SIPA1L1: variants seen among roughly 807,000 people sequenced by gnomAD.
The protein encoded by SIPA1L1 is signal-induced proliferation-associated 1-like protein 1.
Under a neutral mutation model 162.7 loss-of-function variants are expected in SIPA1L1, and 26 were observed. That is an observed-to-expected ratio of 0.16 (90% CI 0.12 to 0.22). The LOEUF (loss-of-function observed/expected upper bound fraction) is 0.22. Ranked by LOEUF, SIPA1L1 falls within the 10% of genes least tolerant of loss-of-function variation. The pLI, the probability that SIPA1L1 is intolerant of heterozygous loss-of-function variation, is 1.00. For missense variants in SIPA1L1, 1,874 were observed against 2,241.0 expected (o/e 0.84, Z 3.31); for synonymous variants, 829 against 837.4 (o/e 0.99, Z 0.17).
At chr14:71,673,144 C>T (rs1018090984) in intron 12 of SIPA1L1, among the ~76,000 whole-genome samples, 11 of 152,196 alleles carry the variant, frequency 7.2e-5, no homozygotes, top group Admixed American at 4.6e-4. Flanking sequence ...GCTGCCCCTG[C>T]TCATGGTGCT....
At chr14:71,488,470 T>A (rs191457798) in intron 2 of SIPA1L1, among the ~76,000 whole-genome samples, 217 of 152,322 alleles carry the variant, frequency 1.4e-3, no homozygotes, top group African/African-American at 5.0e-3. Context: ...GCCAACCTTA[T>A]ACCACTGTTG....
chr14:71,598,908 T>C (rs2036373389), intron 5 of SIPA1L1, among the ~76,000 whole-genome samples: 1 of 151,840 alleles, frequency 6.6e-6, no homozygotes, highest in Non-Finnish European at 1.5e-5. Flanking sequence ...ACTTTTATTG[T>C]CTAACTGTTT....
chr14:71,632,152 C>T (rs1298410680), intron 7 of SIPA1L1, among the ~76,000 whole-genome samples: 1 of 152,190 alleles, frequency 6.6e-6, no homozygotes, highest in Non-Finnish European at 1.5e-5. Flanking sequence ...GTACAGCCAA[C>T]AACCTTGGAC....
intron 13 of SIPA1L1, among the ~76,000 whole-genome samples, chr14:71,693,226 G>C (rs2081372342): frequency 1.3e-5 from 2 of 152,148 alleles, no homozygotes; most frequent in Non-Finnish European, 2.9e-5. Flanking sequence ...GGATTTTGGG[G>C]CCAACTGCTG....
At chr14:71,640,036 TG>T (rs769721967) in intron 7 of SIPA1L1, among the ~76,000 whole-genome samples, 3 of 152,128 alleles carry the variant, frequency 2.0e-5, no homozygotes, top group Non-Finnish European at 4.4e-5. Flanking sequence ...CCCGAGTAGC[TG>T]GAATTACAGG....
At chr14:71,382,526 G>A (rs1450049605) in intron 2 of SIPA1L1, among the ~76,000 whole-genome samples, 1 of 152,230 alleles carries the variant, frequency 6.6e-6, no homozygotes, top group Non-Finnish European at 1.5e-5. Flanking sequence ...GCCAGTAGCA[G>A]TCCGAAGGTG....
intron 20 of SIPA1L1, 67 bp from the exon 21 acceptor site, chr14:71,733,599 A>G (rs111315172): frequency 7.4e-6 from 11 of 1,491,668 alleles, no homozygotes; most frequent in African/African-American, 6.9e-5. Flanking sequence ...GTAACAGGAA[A>G]GAGGTAAGTT....
Position 71,671,498 on chromosome 14 carries a change from G to C in SIPA1L1, c.2635G>C (p.Gly879Arg). The C allele has an allele frequency of 6.2e-7, 1 of 1,614,156 alleles. No individual in the cohort carries two copies. Among genetic ancestry groups the C allele is most frequent in the Non-Finnish European group, 8.5e-7 (1 of 1,180,024 alleles). Residue 879 changes from glycine (G) to arginine (R), a missense_variant, in exon 11 of 24, where the codon GGG becomes CGG. Physicochemically the swap from Gly to Arg is moderately radical, Grantham distance 125. Transcript: ENST00000381232. Reference sequence around the variant, plus strand: ...GGCCATGGAACTAGACTGCCTTTTAGGGATCTCCAATGAGTTCATTGTGCT... The same window carrying C: ...GGCCATGGAACTAGACTGCCTTTTACGGATCTCCAATGAGTTCATTGTGCT... ...NKAMELDCLL[G>R]ISNEFIVLIE...
intron 7 of SIPA1L1, among the ~76,000 whole-genome samples, chr14:71,641,285 A>G (rs2041687497): frequency 6.6e-6 from 1 of 150,850 alleles, no homozygotes; most frequent in Admixed American, 6.6e-5. Context: ...TAATCTAAAA[A>G]AAAAAAAAAA....
At chr14:71,636,945 AGAGGCT>A (rs1488720020) in intron 7 of SIPA1L1, among the ~76,000 whole-genome samples, 1 of 151,490 alleles carries the variant, frequency 6.6e-6, no homozygotes. Flanking sequence ...CAGCTACTCA[AGAGGCT>A]GAGGCAGGAG....
intron 2 of SIPA1L1, among the ~76,000 whole-genome samples, chr14:71,506,530 G>A (rs1158422468): frequency 1.3e-5 from 2 of 151,928 alleles, no homozygotes; most frequent in Non-Finnish European, 2.9e-5. Flanking sequence ...TAGTAGAGAC[G>A]GGGTTTTACC....
intron 2 of SIPA1L1, among the ~76,000 whole-genome samples, chr14:71,445,852 T>C: frequency 6.6e-6 from 1 of 152,184 alleles, no homozygotes; most frequent in East Asian, 1.9e-4. Flanking sequence ...ATTATTTATT[T>C]ATTTTATTTT....
chr14:71,362,442 T>C (rs2140888530), intron 2 of SIPA1L1, among the ~76,000 whole-genome samples: 1 of 152,320 alleles, frequency 6.6e-6, no homozygotes, highest in East Asian at 1.9e-4. Flanking sequence ...GGGTTTGAGC[T>C]GAAGTTGTGT....
chr14:71,661,238 A>G (rs941412836), intron 9 of SIPA1L1, 72 bp from the exon 10 acceptor site: 2 of 1,495,336 alleles, frequency 1.3e-6, no homozygotes, highest in Non-Finnish European at 1.8e-6. Flanking sequence ...AAATACAGCT[A>G]TATAAGGGAA....
chr14:71,675,048 T>C (rs1036960164), intron 12 of SIPA1L1, among the ~76,000 whole-genome samples: 1 of 152,164 alleles, frequency 6.6e-6, no homozygotes, highest in African/African-American at 2.4e-5. Flanking sequence ...TCTGCTGGGG[T>C]GAAGAAAACT....
intron 2 of SIPA1L1, among the ~76,000 whole-genome samples, chr14:71,446,282 A>G (rs1353182390): frequency 1.3e-5 from 2 of 152,150 alleles, no homozygotes; most frequent in Middle Eastern, 6.3e-3. Context: ...TTTTTTTCTT[A>G]TATTTCTTTT....
intron 2 of SIPA1L1, among the ~76,000 whole-genome samples, chr14:71,356,565 T>TAAAAAAAAAAAAAAAAA (rs1394904078): frequency 3.4e-4 from 1 of 2,918 alleles, no homozygotes; most frequent in African/African-American, 3.6e-3. Context: ...ACCTTGTCTC[T>TAAAAAAAAAAAAAAAAA]ACAAAAAAAA....
intron 12 of SIPA1L1, among the ~76,000 whole-genome samples, chr14:71,677,771 A>G (rs1245522288): frequency 6.6e-6 from 1 of 152,194 alleles, no homozygotes. Context: ...TTTGTCAAAG[A>G]TCAGATGGTT....
chr14:71,730,261 G>C lies in SIPA1L1; in HGVS notation c.4821G>C (p.Leu1607Phe), dbSNP rs2084645286. Residue 1607 changes from leucine (L) to phenylalanine (F), a missense_variant, in exon 20 of 24, where the codon TTG (leucine) becomes TTC (phenylalanine). Physicochemically the swap from Leu to Phe is conservative, Grantham distance 22 (BLOSUM62 0). Around this residue, in one of 5 missense-constraint regions of SIPA1L1, gnomAD observed 936 missense variants for 1,051.9 expected, o/e 0.89. Transcript: ENST00000381232. ...TYPSLPKSLPLRRPSYTLGMK... is the reference protein window; with the variant it reads ...TYPSLPKSLPFRRPSYTLGMK... ...CTTCTCTCCCCAAGTCGCTCCCGTT[G>C]AGGAGGCCTTCTTACACCTTAGGAA... is the stretch of plus-strand genomic sequence containing the variant. 1 of 1,614,148 alleles carries C rather than the reference G, an allele frequency of 6.2e-7. No individual in the cohort carries two copies. The highest frequency in any genetic ancestry group is 1.3e-5 in the African/African-American group (1 of 75,030).
Sources: gnomAD v4.1 joint callset for allele counts (sites outside exome capture counted in the v4.1 genomes callset) on GRCh38, gnomAD v4.1.1 for gene constraint, gnomAD v4.1.1 regional missense constraint, MANE v1.5 for transcripts, NCBI Gene and HGNC (gene_info 2026-07-23, HGNC 2026-07-21) for gene names.